The following DYSF variants were observed in gnomAD, a reference collection of about 807,000 sequenced individuals.
DYSF encodes the protein dystrophy-associated fer-1-like 1.
In DYSF, 212 loss-of-function variants were observed where a neutral mutation model predicts 274.9. The observed-to-expected ratio is 0.77, with a 90% confidence interval of 0.69 to 0.86. DYSF has a LOEUF of 0.86. Ranked by LOEUF, DYSF falls within the 40% of genes least tolerant of loss-of-function variation. DYSF has a pLI of 0.00. For missense variants in DYSF, 2,666 were observed against 2,783.2 expected (o/e 0.96, Z 0.95); for synonymous variants, 1,091 against 1,078.7 (o/e 1.01, Z -0.22).
intron 3 of DYSF, among the ~76,000 whole-genome samples, chr2:71,486,913 G>T (rs2083412736): frequency 6.6e-6 from 1 of 152,218 alleles, no homozygotes; most frequent in Non-Finnish European, 1.5e-5. Flanking sequence ...CCAGGTCCCT[G>T]ACCAGCTGTT....
At chr2:71,598,487 C>T in intron 32 of DYSF, 77 bp from the exon 33 acceptor site, 1 of 1,557,448 alleles carries the variant, frequency 6.4e-7, no homozygotes, top group Non-Finnish European at 8.8e-7. Context: ...CTTTGTGGCC[C>T]CACATGGCTC....
At chr2:71,570,092 G>A (rs1327351179) in intron 27 of DYSF, 137 bp from the exon 28 acceptor site, 6 of 1,056,282 alleles carry the variant, frequency 5.7e-6, no homozygotes, top group Non-Finnish European at 8.7e-6. Context: ...TGCAGTGGTG[G>A]CAGGACACTG....
chr2:71,638,646 A>G (rs2094442872), intron 41 of DYSF, among the ~76,000 whole-genome samples: 1 of 152,224 alleles, frequency 6.6e-6, no homozygotes, highest in African/African-American at 2.4e-5. Context: ...TCTATGTCAT[A>G]ACATGTATCA....
intron 26 of DYSF, among the ~76,000 whole-genome samples, chr2:71,568,885 T>G: frequency 6.6e-6 from 1 of 151,694 alleles, no homozygotes; most frequent in Non-Finnish European, 1.5e-5. Context: ...TCTCTTTTTT[T>G]TTTTTGAGAC....
intron 40 of DYSF, among the ~76,000 whole-genome samples, chr2:71,617,054 G>A (rs1245319553): frequency 6.6e-6 from 1 of 152,146 alleles, no homozygotes; most frequent in Non-Finnish European, 1.5e-5. Context: ...AATAGAGGCT[G>A]TGCCCCCAGA....
intron 40 of DYSF, among the ~76,000 whole-genome samples, chr2:71,618,432 G>GTGTGT (rs1558640163): frequency 3.7e-5 from 1 of 26,974 alleles, no homozygotes; most frequent in African/African-American, 1.3e-4. Flanking sequence ...TGGTAGAGGT[G>GTGTGT]GGGTGTGTGT....
rs985108097 is a variant in DYSF at position 71,615,697 on chromosome 2, G to C, written c.4464+2287G>C. ...GCCAACCCAGGAGGCAGCTGACCCC[G>C]GGTGCAGTTCCAGTGGTTTGCTAGA... On this transcript the variant is annotated intron_variant, in intron 40 of 55. Transcript: ENST00000410020. The surrounding 1 kb of genome is among the most constrained non-coding windows in gnomAD (Gnocchi z 4.9). 1.3e-5 allele frequency among the ~76,000 whole-genome samples: 2 copies of C among 152,158 alleles called. No homozygotes were observed. Among genetic ancestry groups the C allele is most frequent in the South Asian group, 4.1e-4 (2 of 4,828 alleles).
At chr2:71,518,045 C>G (rs1040239645) in intron 10 of DYSF, among the ~76,000 whole-genome samples, 1 of 152,100 alleles carries the variant, frequency 6.6e-6, no homozygotes, top group Non-Finnish European at 1.5e-5. Flanking sequence ...TGACATCACT[C>G]TCACCCTGGG....
chr2:71,522,943 G>C (rs2087460099), intron 12 of DYSF, among the ~76,000 whole-genome samples: 1 of 152,080 alleles, frequency 6.6e-6, no homozygotes. Flanking sequence ...CCCATCCCAA[G>C]ACAGGAGTTT....
intron 41 of DYSF, among the ~76,000 whole-genome samples, chr2:71,642,146 T>C (rs1390776409): frequency 1.3e-5 from 2 of 152,250 alleles, no homozygotes; most frequent in African/African-American, 4.8e-5. Context: ...TGGTTGTCTG[T>C]CTGTGCCTGA....
intron 1 of DYSF, among the ~76,000 whole-genome samples, chr2:71,469,744 T>C (rs1402795762): frequency 6.6e-6 from 1 of 152,230 alleles, no homozygotes; most frequent in Non-Finnish European, 1.5e-5. Flanking sequence ...TTCTCATTCT[T>C]TTGTTTTTCT....
chr2:71,668,861 G>A lies in DYSF; in HGVS notation c.5546+19G>A. 6.2e-7 allele frequency: 1 copy of A among 1,610,122 alleles called. No individual in the cohort carries two copies. The highest frequency in any genetic ancestry group is 1.1e-5 in the South Asian group (1 of 90,452). On this transcript the variant is annotated intron_variant, in intron 49 of 55. Coordinates refer to ENST00000410020, the MANE Select transcript of DYSF (RefSeq NM_001130987.2). ...CCAGAAGGTGACTTGCCCAGCCACA[G>A]GCTCTGAGCTGGGCTGAGGGGTGGG...
At chr2:71,570,886 A>G in intron 29 of DYSF, 145 bp downstream of exon 29, 2 of 1,225,212 alleles carry the variant, frequency 1.6e-6, no homozygotes, top group Non-Finnish European at 2.3e-6. Flanking sequence ...GTGCTCACAG[A>G]TCACACCCAG....
At chr2:71,679,493 T>C (rs2095269433) in intron 53 of DYSF, among the ~76,000 whole-genome samples, 1 of 152,154 alleles carries the variant, frequency 6.6e-6, no homozygotes, top group Non-Finnish European at 1.5e-5. Flanking sequence ...GTTTATACTC[T>C]ACTCATTGGC....
At chr2:71,454,947 A>G (rs1250853289) in intron 1 of DYSF, among the ~76,000 whole-genome samples, 1 of 152,116 alleles carries the variant, frequency 6.6e-6, no homozygotes, top group Non-Finnish European at 1.5e-5. Flanking sequence ...GAGAAGAACT[A>G]GGGGGAAAGA....
chr2:71,511,779 C>T (rs1457002066), intron 4 of DYSF, 28 bp from the exon 5 acceptor site: 1 of 1,398,588 alleles, frequency 7.2e-7, no homozygotes, highest in Admixed American at 2.0e-5. Context: ...AGCGCACCAA[C>T]CTGTCCCCCA....
intron 22 of DYSF, among the ~76,000 whole-genome samples, chr2:71,560,417 G>GCCCCAACACAGGGCTCCGGCCCAGGCCCC (rs56170138): frequency 4.3e-5 from 6 of 138,786 alleles, no homozygotes; most frequent in African/African-American, 1.4e-4. Flanking sequence ...TCCCAGGCAG[G>GCCCCAACACAGGGCTCCGGCCCAGGCCCC]CCCCCGCCCC....
intron 47 of DYSF, among the ~76,000 whole-genome samples, chr2:71,666,462 C>G (rs534299161): frequency 7.2e-5 from 11 of 152,246 alleles, no homozygotes; most frequent in Non-Finnish European, 1.0e-4. Context: ...TGGGTGAACA[C>G]ATGTGTGTGT....
intron 3 of DYSF, among the ~76,000 whole-genome samples, chr2:71,490,084 G>T (rs1272442737): frequency 6.6e-6 from 1 of 152,102 alleles, no homozygotes; most frequent in Non-Finnish European, 1.5e-5. Context: ...AACACTATGT[G>T]CATGGCCCGT....
Sources: gnomAD v4.1 joint callset for allele counts (sites outside exome capture counted in the v4.1 genomes callset) on GRCh38, gnomAD v4.1.1 for gene constraint, Gnocchi (gnomAD v3.1) non-coding constraint, MANE v1.5 for transcripts, NCBI Gene and HGNC (gene_info 2026-07-23, HGNC 2026-07-21) for gene names.